Variants in HCN1 observed in about 807,000 individuals in gnomAD.
HCN1 encodes the protein hyperpolarization activated cyclic nucleotide gated potassium channel 1, also known as potassium/sodium hyperpolarization-activated cyclic nucleotide-gated channel 1.
In HCN1, 13 loss-of-function variants were observed where a neutral mutation model predicts 78.9. That is an observed-to-expected ratio of 0.16 (90% confidence interval 0.11 to 0.26). The LOEUF is 0.26. Ranked by LOEUF, HCN1 falls within the 10% of genes least tolerant of loss-of-function variation. The pLI is 1.00. For synonymous variants in HCN1, 552 were observed against 455.5 expected, an observed-to-expected ratio of 1.21 and a Z score of -2.70; for missense variants, 810 against 1,154.3, an observed-to-expected ratio of 0.70 and a Z score of 4.32.
intron 2 of HCN1, among the ~76,000 whole-genome samples, chr5:45,582,723 A>G (rs1340301295): frequency 6.6e-6 from 1 of 152,192 alleles, no homozygotes; most frequent in Non-Finnish European, 1.5e-5. Flanking sequence ...GAGAGTTTTT[A>G]GCATGAAGGG....
intron 1 of HCN1, among the ~76,000 whole-genome samples, chr5:45,653,778 G>C (rs1745719517): frequency 6.6e-6 from 1 of 152,066 alleles, no homozygotes; most frequent in Admixed American, 6.6e-5. Context: ...TGTGGGTGGG[G>C]GGAGAGGGGA....
intron 2 of HCN1, among the ~76,000 whole-genome samples, chr5:45,588,316 CT>C (rs1202105394): frequency 6.6e-6 from 1 of 152,168 alleles, no homozygotes; most frequent in Admixed American, 6.6e-5. Context: ...ACAGTGAGTA[CT>C]TCAGACTGAA....
At chr5:45,385,228 T>G (rs1747888016) in intron 4 of HCN1, among the ~76,000 whole-genome samples, 1 of 152,136 alleles carries the variant, frequency 6.6e-6, no homozygotes, top group Non-Finnish European at 1.5e-5. Context: ...TATATTATTT[T>G]TATAAAACAT....
chr5:45,372,261 A>T (rs1318380896), intron 4 of HCN1, among the ~76,000 whole-genome samples: 60 of 83,254 alleles, frequency 7.2e-4, no homozygotes, highest in African/African-American at 2.7e-3. Flanking sequence ...ATATATATTT[A>T]TATATATATT....
intron 2 of HCN1, among the ~76,000 whole-genome samples, chr5:45,476,458 A>T (rs931336039): frequency 6.6e-6 from 1 of 152,182 alleles, no homozygotes; most frequent in African/African-American, 2.4e-5. Flanking sequence ...AAGAAAACTA[A>T]GACAAGGGAG....
rs532904937 is a variant in HCN1, at chr5:45,315,364, A to G, written c.1378-11525T>C. 5.3e-5 allele frequency among the ~76,000 whole-genome samples: 8 copies of G among 152,306 alleles called. No homozygotes were observed. The South Asian group carries it at 1.7e-3, about 32-fold the overall frequency. On this transcript the variant is annotated intron_variant, in intron 5 of 7. Coordinates refer to ENST00000303230, the MANE Select transcript of HCN1 (RefSeq NM_021072.4). The stretch of plus-strand genomic sequence containing the variant: ...AGAAATAAAGATGTCCTTTAAAACC[A>G]ATGAGAACAAAGACACAACATGCCA...
At chr5:45,533,961 G>C (rs1742912867) in intron 2 of HCN1, among the ~76,000 whole-genome samples, 1 of 152,150 alleles carries the variant, frequency 6.6e-6, no homozygotes, top group Non-Finnish European at 1.5e-5. Context: ...GAGAGAACAA[G>C]GATTGGCATA....
At chr5:45,275,845 A>G (rs908588147) in intron 6 of HCN1, among the ~76,000 whole-genome samples, 4 of 152,102 alleles carry the variant, frequency 2.6e-5, no homozygotes, top group South Asian at 2.1e-4. Flanking sequence ...TTCTGCTTCT[A>G]TCTGTCTTTA....
intron 5 of HCN1, among the ~76,000 whole-genome samples, chr5:45,327,691 A>G (rs1374003919): frequency 6.6e-6 from 1 of 151,636 alleles, no homozygotes; most frequent in African/African-American, 2.4e-5. Context: ...TTGAAGAGGT[A>G]ATTAAGTTAA....
At chr5:45,364,278 A>G (rs1747187511) in intron 4 of HCN1, among the ~76,000 whole-genome samples, 1 of 152,068 alleles carries the variant, frequency 6.6e-6, no homozygotes, top group South Asian at 2.1e-4. Context: ...GTTACTATCA[A>G]TATACCACCA....
intron 2 of HCN1, among the ~76,000 whole-genome samples, chr5:45,637,443 T>C (rs1027397704): frequency 2.6e-5 from 4 of 151,814 alleles, no homozygotes; most frequent in Admixed American, 2.6e-4. Flanking sequence ...CCCGACACTA[T>C]GCTAGGAACT....
At chr5:45,451,808 TG>T (rs1740924827) in intron 3 of HCN1, among the ~76,000 whole-genome samples, 1 of 152,020 alleles carries the variant, frequency 6.6e-6, no homozygotes, top group Non-Finnish European at 1.5e-5. Context: ...ACATTTGGTA[TG>T]TAGTTAAAAT....
rs921974953 is a variant in HCN1, at chr5:45,388,950, C to T, written c.1230+7542G>A. 2.0e-4 allele frequency among the ~76,000 whole-genome samples: 31 copies of T among 152,264 alleles called. No homozygotes were observed. In the South Asian group the frequency reaches 2.3e-3, roughly 11 times the overall value. On this transcript the variant is annotated intron_variant, in intron 4 of 7. Coordinates refer to ENST00000303230, the MANE Select transcript of HCN1 (RefSeq NM_021072.4). ...AAGTTTGCACTGGAAAACTGTGTAA[C>T]GCCAAAGAAGACCAGGCCAGTTTTG...
chr5:45,604,358 C>T (rs1192006507), intron 2 of HCN1, among the ~76,000 whole-genome samples: 4 of 151,778 alleles, frequency 2.6e-5, no homozygotes, highest in Non-Finnish European at 4.4e-5. Context: ...CTGGGTGGCG[C>T]TTACACACTC....
chr5:45,529,439 T>G (rs551169006), intron 2 of HCN1, among the ~76,000 whole-genome samples: 13 of 152,160 alleles, frequency 8.5e-5, no homozygotes, highest in South Asian at 6.2e-4. Flanking sequence ...ATTCTAATAG[T>G]GATTCTGTCT....
intron 4 of HCN1, among the ~76,000 whole-genome samples, chr5:45,357,617 G>A (rs77707316): frequency 2.2e-4 from 33 of 152,082 alleles, no homozygotes; most frequent in Middle Eastern, 3.4e-3. Flanking sequence ...TCCAAAATAT[G>A]TGACATGTCT....
intron 4 of HCN1, among the ~76,000 whole-genome samples, chr5:45,360,183 C>A (rs1399868510): frequency 6.6e-6 from 1 of 151,188 alleles, no homozygotes; most frequent in East Asian, 1.9e-4. Flanking sequence ...CACAGCAATG[C>A]TAAAATGGTT....
At chr5:45,574,468 A>G (rs955860833) in intron 2 of HCN1, 1 of 152,108 alleles carries the variant, frequency 6.6e-6, no homozygotes, top group African/African-American at 2.4e-5. Context: ...CTGCTCCCTC[A>G]GTCAGCTCAG....
chr5:45,635,951 A>G (rs1253416695), intron 2 of HCN1, among the ~76,000 whole-genome samples: 1 of 152,182 alleles, frequency 6.6e-6, no homozygotes, highest in African/African-American at 2.4e-5. Flanking sequence ...ATTAGTAAAA[A>G]CACCTTTGAC....
Sources: gnomAD v4.1 joint callset for allele counts (sites outside exome capture counted in the v4.1 genomes callset) on GRCh38, gnomAD v4.1.1 for gene constraint, MANE v1.5 for transcripts, NCBI Gene and HGNC (gene_info 2026-07-23, HGNC 2026-07-21) for gene names.